Variants in NOL10 observed in about 807,000 individuals in gnomAD.
NOL10 encodes nucleolar protein 10.
NOL10 carries 58 observed loss-of-function variants against 103.5 expected under a neutral mutation model. The observed-to-expected ratio is 0.56, with a 90% CI of 0.45 to 0.70. The LOEUF is 0.70. Ranked by LOEUF, NOL10 falls within the 30% of genes least tolerant of loss-of-function variation. The pLI, the probability that NOL10 is intolerant of heterozygous loss-of-function variation, is 0.00. For synonymous variants in NOL10, 287 were observed against 282.5 expected (o/e 1.02, Z -0.16); for missense variants, 763 against 807.3 (o/e 0.95, Z 0.67).
intron 2 of NOL10, among the ~76,000 whole-genome samples, chr2:10,682,733 G>T (rs965930362): frequency 1.3e-5 from 2 of 151,804 alleles, no homozygotes; most frequent in African/African-American, 4.8e-5. Flanking sequence ...TCATGGCAAA[G>T]ACAAAAATCC....
In NOL10 at chr2:10,689,904, A is replaced by G; in HGVS notation, c.-43T>C. The G allele has an allele frequency of 2.6e-6, 4 of 1,556,826 alleles. No homozygotes were observed. Among genetic ancestry groups the G allele is most frequent in the Admixed American group, 1.9e-5 (1 of 53,226 alleles). On this transcript the variant is annotated 5_prime_UTR_variant, in exon 1 of 21. Coordinates refer to ENST00000381685, the MANE Select transcript of NOL10 (RefSeq NM_024894.4). ...TTCAAGTCCCGGGTCCTTTCCCACC[A>G]GCGTGCTCGAGCACCGTAATCCCGG...
intron 12 of NOL10, among the ~76,000 whole-genome samples, chr2:10,652,670 A>G (rs1001753183): frequency 6.6e-6 from 1 of 151,982 alleles, no homozygotes; most frequent in Admixed American, 6.6e-5. Context: ...CCTCCCCCTC[A>G]TTCTCCCAAA....
intron 11 of NOL10, among the ~76,000 whole-genome samples, chr2:10,656,655 G>C (rs567779623): frequency 6.6e-6 from 1 of 152,262 alleles, no homozygotes; most frequent in Non-Finnish European, 1.5e-5. Context: ...TGTCTGCAGC[G>C]TGTGTGCCTG....
chr2:10,688,548 T>G (rs1682379174), intron 1 of NOL10, among the ~76,000 whole-genome samples: 1 of 152,248 alleles, frequency 6.6e-6, no homozygotes, highest in Admixed American at 6.5e-5. Context: ...ATATGTCACC[T>G]CTTGTAGAGA....
At chr2:10,613,839 T>C (rs1676696229) in intron 13 of NOL10, among the ~76,000 whole-genome samples, 1 of 151,996 alleles carries the variant, frequency 6.6e-6, no homozygotes, top group African/African-American at 2.4e-5. Flanking sequence ...CAGGACACTC[T>C]AAAAATAGAT....
intron 14 of NOL10, chr2:10,604,591 T>C (rs1177821430): frequency 6.6e-6 from 1 of 152,198 alleles, no homozygotes; most frequent in East Asian, 1.9e-4. Flanking sequence ...ATTCTCTAAA[T>C]CTTCCTCAGG....
intron 10 of NOL10, 33 bp from the exon 11 acceptor site, chr2:10,657,924 A>G: frequency 6.9e-7 from 1 of 1,452,218 alleles, no homozygotes; most frequent in Non-Finnish European, 9.3e-7. Flanking sequence ...TAAACAAACT[A>G]GACATTTTAT....
chr2:10,639,520 C>T (rs888077344), intron 13 of NOL10, among the ~76,000 whole-genome samples: 1 of 152,176 alleles, frequency 6.6e-6, no homozygotes, highest in South Asian at 2.1e-4. Flanking sequence ...CACACCCCAA[C>T]CACCACCACC....
At chr2:10,659,872 C>T (rs1680079683) in intron 9 of NOL10, among the ~76,000 whole-genome samples, 1 of 152,160 alleles carries the variant, frequency 6.6e-6, no homozygotes, top group African/African-American at 2.4e-5. Context: ...ACCATTTCCA[C>T]TTTAAAATTA....
rs1044791013 is a variant in NOL10 at position 10,651,314 on chromosome 2, A to G, written c.973+3167T>C. Among the ~76,000 whole-genome samples, 30 of 152,172 alleles carry G rather than the reference A, an allele frequency of 2.0e-4. 1 individual carries two copies. Among genetic ancestry groups the G allele is most frequent in the African/African-American group, 7.2e-4 (30 of 41,434 alleles). The stretch of plus-strand genomic sequence containing the variant: ...GGCACAAGCACTACTAAACCTTACC[A>G]GCATCCTCAAGGGTTGAAGCTCTCC... On this transcript the variant is annotated intron_variant, in intron 12 of 20. Transcript: ENST00000381685.
chr2:10,608,846 A>C (rs1676396030), intron 13 of NOL10, among the ~76,000 whole-genome samples: 1 of 152,166 alleles, frequency 6.6e-6, no homozygotes, highest in South Asian at 2.1e-4. Flanking sequence ...CATGAAAAAA[A>C]CTCGAGCATA....
At chr2:10,670,374 T>C (rs1212511582) in intron 6 of NOL10, among the ~76,000 whole-genome samples, 1 of 152,206 alleles carries the variant, frequency 6.6e-6, no homozygotes, top group Non-Finnish European at 1.5e-5. Context: ...ATTTATCTCG[T>C]TAAATATTGT....
chr2:10,642,910 T>C (rs1678807870), intron 13 of NOL10, among the ~76,000 whole-genome samples: 1 of 152,200 alleles, frequency 6.6e-6, no homozygotes. Flanking sequence ...AACTGCCTAC[T>C]TTCTTGTTGG....
chr2:10,656,924 G>GA (rs2148313257), intron 11 of NOL10, among the ~76,000 whole-genome samples: 1 of 152,286 alleles, frequency 6.6e-6, no homozygotes, highest in South Asian at 2.1e-4. Flanking sequence ...AATGAAAAAT[G>GA]AAAAGCAGAA....
intron 12 of NOL10, among the ~76,000 whole-genome samples, chr2:10,654,189 C>T (rs1019764772): frequency 1.3e-5 from 2 of 152,190 alleles, no homozygotes; most frequent in Non-Finnish European, 2.9e-5. Context: ...AATAGCACTT[C>T]ACCTGCCTCC....
intron 19 of NOL10, among the ~76,000 whole-genome samples, chr2:10,583,397 C>T (rs1348239341): frequency 1.3e-5 from 2 of 152,170 alleles, no homozygotes; most frequent in African/African-American, 4.8e-5. Flanking sequence ...TCTTTTCATT[C>T]GTGATCTTGA....
chr2:10,619,902 A>G (rs1173816721), intron 13 of NOL10, among the ~76,000 whole-genome samples: 1 of 152,198 alleles, frequency 6.6e-6, no homozygotes, highest in Non-Finnish European at 1.5e-5. Context: ...TGCAATAACA[A>G]TGACTCTAAG....
intron 13 of NOL10, among the ~76,000 whole-genome samples, chr2:10,629,695 C>A (rs1677711997): frequency 3.9e-5 from 6 of 152,212 alleles, no homozygotes; most frequent in Admixed American, 3.3e-4. Flanking sequence ...ACTAATGGCA[C>A]AACAGACCTC....
intron 4 of NOL10, among the ~76,000 whole-genome samples, chr2:10,674,611 G>A (rs1214370225): frequency 2.6e-5 from 4 of 151,866 alleles, no homozygotes; most frequent in Non-Finnish European, 2.9e-5. Flanking sequence ...AGGTCGAGGC[G>A]GGTGGATCAC....
Sources: gnomAD v4.1 joint callset for allele counts (sites outside exome capture counted in the v4.1 genomes callset) on GRCh38, gnomAD v4.1.1 for gene constraint, MANE v1.5 for transcripts, NCBI Gene and HGNC (gene_info 2026-07-23, HGNC 2026-07-21) for gene names.